The following EXOC4 variants were observed in gnomAD, a reference collection of about 807,000 sequenced individuals.
The protein encoded by EXOC4 is SEC8-like 1.
Under a neutral mutation model 107.2 loss-of-function variants are expected in EXOC4, and 71 were observed. The ratio of observed to expected loss-of-function variants is 0.66; its 90% CI spans 0.55 to 0.81. The LOEUF (loss-of-function observed/expected upper bound fraction) is 0.81. Ranked by LOEUF, EXOC4 falls within the 30% of genes least tolerant of loss-of-function variation. The pLI is 0.00. For synonymous variants in EXOC4, 456 were observed against 441.2 expected, an observed-to-expected ratio of 1.03 and a Z score of -0.42; for missense variants, 1,108 against 1,189.6, an observed-to-expected ratio of 0.93 and a Z score of 1.01.
intron 5 of EXOC4, among the ~76,000 whole-genome samples, chr7:133,347,404 C>A (rs1462052852): frequency 6.6e-6 from 1 of 151,922 alleles, no homozygotes; most frequent in African/African-American, 2.4e-5. Flanking sequence ...CCACCACACC[C>A]AGCTAATTTT....
intron 7 of EXOC4, among the ~76,000 whole-genome samples, chr7:133,473,936 G>A (rs957101791): frequency 7.2e-5 from 11 of 151,988 alleles, no homozygotes; most frequent in Non-Finnish European, 1.6e-4. Flanking sequence ...TCCTGACCTC[G>A]TGATCTGCCT....
chr7:133,748,102 G>T (rs1049057462), intron 10 of EXOC4, among the ~76,000 whole-genome samples: 7 of 152,190 alleles, frequency 4.6e-5, no homozygotes, highest in African/African-American at 1.4e-4. Flanking sequence ...AGCCCTATTT[G>T]CAGATCTAAG....
chr7:133,994,701 G>A (rs1794345003), intron 14 of EXOC4, among the ~76,000 whole-genome samples: 1 of 151,996 alleles, frequency 6.6e-6, no homozygotes, highest in South Asian at 2.1e-4. Flanking sequence ...GATATGAAGG[G>A]TAATACTATA....
At chr7:133,546,325 T>G (rs1197757006) in intron 9 of EXOC4, among the ~76,000 whole-genome samples, 1 of 150,100 alleles carries the variant, frequency 6.7e-6, no homozygotes, top group African/African-American at 2.5e-5. Flanking sequence ...GGCACGATCT[T>G]GGTCACTGCA....
At chr7:133,259,961 T>TCCCAC (rs1795106152) in intron 1 of EXOC4, among the ~76,000 whole-genome samples, 1 of 152,168 alleles carries the variant, frequency 6.6e-6, no homozygotes, top group Admixed American at 6.5e-5. Context: ...ACAGAACACT[T>TCCCAC]CCAGCATCCC....
chr7:133,476,990 T>G (rs113122798), intron 8 of EXOC4, among the ~76,000 whole-genome samples: 1 of 152,130 alleles, frequency 6.6e-6, no homozygotes, highest in African/African-American at 2.4e-5. Context: ...TGTGAATCTC[T>G]CTCTTTAAAA....
intron 10 of EXOC4, among the ~76,000 whole-genome samples, chr7:133,814,830 A>G (rs1472557759): frequency 1.3e-5 from 2 of 152,028 alleles, no homozygotes; most frequent in Admixed American, 6.5e-5. Context: ...TAGTCTTTTC[A>G]TGTGTTTTGA....
chr7:133,805,150 A>G (rs1043172965), intron 10 of EXOC4, among the ~76,000 whole-genome samples: 1 of 152,234 alleles, frequency 6.6e-6, no homozygotes, highest in Non-Finnish European at 1.5e-5. Context: ...GACTAATGCT[A>G]TGAAGTTAAA....
chr7:133,755,827 C>A (rs1156391264), intron 10 of EXOC4, among the ~76,000 whole-genome samples: 2 of 152,090 alleles, frequency 1.3e-5, no homozygotes, highest in African/African-American at 4.8e-5. Flanking sequence ...TTTTTAATTT[C>A]TTCGTGTCTA....
intron 14 of EXOC4, among the ~76,000 whole-genome samples, chr7:133,954,280 A>G (rs1039754241): frequency 3.3e-5 from 5 of 152,196 alleles, no homozygotes; most frequent in African/African-American, 1.2e-4. Flanking sequence ...AAACTGGCAA[A>G]AGAACTTGTC....
At chr7:133,491,957 T>C (rs1222674326) in intron 9 of EXOC4, among the ~76,000 whole-genome samples, 4 of 152,120 alleles carry the variant, frequency 2.6e-5, no homozygotes, top group Non-Finnish European at 5.9e-5. Flanking sequence ...GCATAAAGTG[T>C]ATGGGGAAGA....
intron 1 of EXOC4, among the ~76,000 whole-genome samples, chr7:133,262,853 C>G (rs973637724): frequency 2.5e-4 from 34 of 134,970 alleles, no homozygotes; most frequent in African/African-American, 7.1e-4. Context: ...GATGGTTTGG[C>G]TGTGTCCTCA....
intron 11 of EXOC4, among the ~76,000 whole-genome samples, chr7:133,864,861 C>T (rs1805443766): frequency 6.6e-6 from 1 of 152,164 alleles, no homozygotes; most frequent in African/African-American, 2.4e-5. Flanking sequence ...GGCATGGACA[C>T]CTTTGTCCCC....
At chr7:133,598,971 G>A (rs1377111382) in intron 9 of EXOC4, among the ~76,000 whole-genome samples, 1 of 152,034 alleles carries the variant, frequency 6.6e-6, no homozygotes, top group African/African-American at 2.4e-5. Flanking sequence ...GCGACAGAGT[G>A]AGACTCCATC....
intron 5 of EXOC4, among the ~76,000 whole-genome samples, chr7:133,324,148 T>G (rs550985023): frequency 3.3e-5 from 5 of 152,288 alleles, no homozygotes; most frequent in Admixed American, 6.5e-5. Context: ...TTTGTTGGTC[T>G]TTTCAAAAAA....
At chr7:133,741,411 A>T (rs892517366) in intron 10 of EXOC4, among the ~76,000 whole-genome samples, 2 of 152,106 alleles carry the variant, frequency 1.3e-5, no homozygotes, top group Non-Finnish European at 2.9e-5. Context: ...AAAAATATGA[A>T]ACCTCCCATT....
At chr7:133,977,633 C>T (rs768413753) in intron 14 of EXOC4, among the ~76,000 whole-genome samples, 18 of 151,962 alleles carry the variant, frequency 1.2e-4, no homozygotes, top group South Asian at 2.1e-4. Flanking sequence ...TAGTGGTTTG[C>T]GAGCAGCTGG....
chr7:133,571,732 C>G (rs1025197246), intron 9 of EXOC4, among the ~76,000 whole-genome samples: 4 of 151,402 alleles, frequency 2.6e-5, no homozygotes, highest in Non-Finnish European at 4.4e-5. Context: ...GCTGGAAAGT[C>G]TGAGACCAAG....
At chr7:133,561,358 C>T (rs967323215) in intron 9 of EXOC4, among the ~76,000 whole-genome samples, 1 of 152,206 alleles carries the variant, frequency 6.6e-6, no homozygotes, top group Non-Finnish European at 1.5e-5. Flanking sequence ...AGTTCTTCCA[C>T]GTCTTCTCAA....
Sources: gnomAD v4.1 joint callset for allele counts (sites outside exome capture counted in the v4.1 genomes callset) on GRCh38, gnomAD v4.1.1 for gene constraint, MANE v1.5 for transcripts, NCBI Gene and HGNC (gene_info 2026-07-23, HGNC 2026-07-21) for gene names.